Variants in SLC17A1 observed in about 807,000 individuals in gnomAD.
SLC17A1 encodes the protein solute carrier family 17 member 1.
Under a neutral mutation model 53.5 loss-of-function variants are expected in SLC17A1, and 51 were observed. The ratio of observed to expected loss-of-function variants is 0.95; its 90% CI spans 0.76 to 1.20. The LOEUF is 1.20. Ranked by LOEUF, SLC17A1 falls within the 50% of genes most tolerant of loss-of-function variation. The pLI is 0.00. For synonymous variants in SLC17A1, 179 were observed against 198.8 expected, an observed-to-expected ratio of 0.90 and a Z score of 0.84; for missense variants, 538 against 568.2, an observed-to-expected ratio of 0.95 and a Z score of 0.54.
the SLC17A1 span, among the ~76,000 whole-genome samples, chr6:25,752,821 A>G: frequency 2.0e-5 from 3 of 151,944 alleles, no homozygotes; most frequent in Non-Finnish European, 4.4e-5. Context: ...GCGTGGTGGC[A>G]GGCGCCTGTA....
intron 12 of SLC17A1, among the ~76,000 whole-genome samples, chr6:25,783,477 A>G (rs1763311005): frequency 6.6e-6 from 1 of 152,158 alleles, no homozygotes; most frequent in Non-Finnish European, 1.5e-5. Flanking sequence ...AAAAATCTTT[A>G]TGTAAAAGAT....
chr6:25,732,733 G>A, the SLC17A1 span: 1 of 1,220,000 alleles, frequency 8.2e-7, no homozygotes, highest in Non-Finnish European at 1.2e-6. Flanking sequence ...TGGCCCGAGT[G>A]ACAATGGCTT....
intron 3 of SLC17A1, 105 bp downstream of exon 3, chr6:25,826,356 T>G (rs1764739532): frequency 2.2e-6 from 2 of 921,526 alleles, no homozygotes; most frequent in Admixed American, 2.9e-5. Flanking sequence ...GACTTGAGCT[T>G]CTTTTTCAAA....
At chr6:25,751,477 G>T in the SLC17A1 span, among the ~76,000 whole-genome samples, 1 of 152,182 alleles carries the variant, frequency 6.6e-6, no homozygotes, top group Non-Finnish European at 1.5e-5. Context: ...TGAAATTTGA[G>T]TGGAAGTGAC....
intron 12 of SLC17A1, among the ~76,000 whole-genome samples, chr6:25,786,030 C>T (rs975693287): frequency 2.0e-5 from 3 of 152,170 alleles, no homozygotes; most frequent in Non-Finnish European, 4.4e-5. Flanking sequence ...CACAAATGCA[C>T]ATAGTGGTCT....
At chr6:25,738,389 C>T in the SLC17A1 span, among the ~76,000 whole-genome samples, 1 of 152,066 alleles carries the variant, frequency 6.6e-6, no homozygotes, top group Non-Finnish European at 1.5e-5. Flanking sequence ...AAACCTTACA[C>T]CTTGCCTAAA....
chr6:25,762,688 G>T, the SLC17A1 span, among the ~76,000 whole-genome samples: 1 of 152,142 alleles, frequency 6.6e-6, no homozygotes, highest in African/African-American at 2.4e-5. Context: ...TAGCCAGTTT[G>T]TCTGTTAAGA....
At chr6:25,824,941 T>G (rs1185173046) in intron 3 of SLC17A1, among the ~76,000 whole-genome samples, 1 of 151,938 alleles carries the variant, frequency 6.6e-6, no homozygotes, top group Non-Finnish European at 1.5e-5. Flanking sequence ...AATTCACTCT[T>G]TTTATCATTG....
chr6:25,795,147 T>A (rs1763578064), intron 12 of SLC17A1, among the ~76,000 whole-genome samples: 1 of 152,172 alleles, frequency 6.6e-6, no homozygotes, highest in South Asian at 2.1e-4. Flanking sequence ...CTCTGCCACT[T>A]AGCCTAATAT....
At chr6:25,760,635 C>T in the SLC17A1 span, among the ~76,000 whole-genome samples, 1 of 152,138 alleles carries the variant, frequency 6.6e-6, no homozygotes, top group East Asian at 1.9e-4. Flanking sequence ...CTCCATTTTC[C>T]AGGTTCTTAA....
chr6:25,741,367 T>C, the SLC17A1 span, among the ~76,000 whole-genome samples: 303 of 144,368 alleles, frequency 2.1e-3, no homozygotes, highest in African/African-American at 7.4e-3. Context: ...GTCAGGAGTT[T>C]GAGATCAGCC....
chr6:25,727,223 G>T, the SLC17A1 span: 2 of 1,613,938 alleles, frequency 1.2e-6, no homozygotes, highest in Non-Finnish European at 1.7e-6. Context: ...TGCTACTGCC[G>T]GGAGAGCTGG....
At chr6:25,824,828 T>A (rs1243549488) in intron 3 of SLC17A1, among the ~76,000 whole-genome samples, 1 of 151,896 alleles carries the variant, frequency 6.6e-6, no homozygotes, top group Admixed American at 6.6e-5. Flanking sequence ...TTACCAAGTA[T>A]GTATTTTTCT....
intron 12 of SLC17A1, among the ~76,000 whole-genome samples, chr6:25,796,927 T>C (rs1581454532): frequency 6.6e-6 from 1 of 152,188 alleles, no homozygotes; most frequent in East Asian, 1.9e-4. Context: ...TACTAACCCA[T>C]CACATATACA....
chr6:25,820,273 T>C (rs926339903), intron 3 of SLC17A1, among the ~76,000 whole-genome samples: 3 of 152,244 alleles, frequency 2.0e-5, no homozygotes, highest in African/African-American at 4.8e-5. Context: ...TACTTCATAG[T>C]ACTACTCATA....
In SLC17A1 at chr6:25,812,980, T is replaced by C; in HGVS notation, c.748A>G (p.Arg250Gly). Residue 250 changes from arginine to glycine, a missense_variant, in exon 8 of 13, where the codon AGA becomes GGA. By Grantham distance (125) the Arg-to-Gly change is moderately radical. Coordinates refer to ENST00000244527, the MANE Select transcript of SLC17A1 (RefSeq NM_005074.5). ...ATAGCCTTGATAGGCAGAGATTGTC[T>C]ACTTGAACTGACCTGGAGAGAAATT... ...SSLVQQVSSS[R>G]QSLPIKAILK... is the part of the protein sequence containing the mutation. 6.2e-7 allele frequency: 1 copy of C among 1,613,980 alleles called. No homozygotes were observed. Among genetic ancestry groups the C allele is most frequent in the Non-Finnish European group, 8.5e-7 (1 of 1,179,936 alleles).
Position 25,791,339 on chromosome 6 carries a change from G to A in SLC17A1, c.*2+7444C>T, listed in dbSNP as rs117290381. ...TAATATTTTCAAAAGTGAAAATGAT[G>A]TTTTTTTTGACCTGCCTGATATTTA... On this transcript the variant is annotated intron_variant, in intron 12 of 12. Transcript: ENST00000244527. Among the ~76,000 whole-genome samples, 3 of 151,868 alleles carry A rather than the reference G, an allele frequency of 2.0e-5. No homozygotes were observed. In the East Asian group the frequency reaches 5.8e-4, roughly 29 times the overall value.
At chr6:25,771,743 C>T in the SLC17A1 span, among the ~76,000 whole-genome samples, 4 of 152,080 alleles carry the variant, frequency 2.6e-5, no homozygotes, top group South Asian at 8.3e-4. Context: ...GTGACCTAAT[C>T]ATAGGTAAAA....
the SLC17A1 span, among the ~76,000 whole-genome samples, chr6:25,766,666 T>TAG: frequency 6.6e-6 from 1 of 152,180 alleles, no homozygotes; most frequent in East Asian, 1.9e-4. Flanking sequence ...CTCCATGGCC[T>TAG]TCCTCTCAAA....
Sources: gnomAD v4.1 joint callset for allele counts (sites outside exome capture counted in the v4.1 genomes callset) on GRCh38, gnomAD v4.1.1 for gene constraint, MANE v1.5 for transcripts, NCBI Gene and HGNC (gene_info 2026-07-23, HGNC 2026-07-21) for gene names.